The following CHD7 variants were observed in gnomAD, a reference collection of about 807,000 sequenced individuals.
CHD7 encodes the protein ATP-dependent chromatin remodeler CHD7.
CHD7 carries 24 observed loss-of-function variants against 307.3 expected under a neutral mutation model. The observed-to-expected ratio is 0.08, with a 90% CI of 0.06 to 0.11. The LOEUF is 0.11. CHD7 is among the 10% of genes least tolerant of loss of function. The pLI, the probability that CHD7 is intolerant of heterozygous loss-of-function variation, is 1.00. For missense variants in CHD7, 3,106 were observed against 3,727.1 expected, an observed-to-expected ratio of 0.83 and a Z score of 4.34; for synonymous variants, 1,363 against 1,349.9, an observed-to-expected ratio of 1.01 and a Z score of -0.21.
At position 60,851,121 on chromosome 8, in the gene CHD7, A is replaced by T; in HGVS notation, c.5607+17A>T. Reference sequence around the variant, plus strand: ...GAAATAGATGTATGAACTTGAGTATATTGGCTTTTATAGCTCCATTAAAAT... The same window carrying T: ...GAAATAGATGTATGAACTTGAGTATTTTGGCTTTTATAGCTCCATTAAAAT... On this transcript the variant is annotated intron_variant, in intron 27 of 37. Coordinates refer to ENST00000423902, the MANE Select transcript of CHD7 (RefSeq NM_017780.4). The T allele has an allele frequency of 6.5e-7, 1 of 1,543,750 alleles. No homozygotes were observed. Among genetic ancestry groups the T allele is most frequent in the Non-Finnish European group, 8.8e-7 (1 of 1,137,604 alleles).
At chr8:60,741,135 G>A (rs780004933) in intron 1 of CHD7, 124 bp from the exon 2 acceptor site, 1 of 394,674 alleles carries the variant, frequency 2.5e-6, no homozygotes, top group Non-Finnish European at 4.5e-6. Context: ...GCTCAGCGAG[G>A]GAGCTAGATT....
chr8:60,866,041 A>C lies in CHD7; in HGVS notation c.*108A>C. On this transcript the variant is annotated 3_prime_UTR_variant, in exon 38 of 38. Coordinates refer to ENST00000423902, the MANE Select transcript of CHD7 (RefSeq NM_017780.4). ...CTAGTTTTATAAGCTGTTCTGTAAC[A>C]TAGTGTAGCAAAAAAAAAAGTTCAA... The C allele has an allele frequency of 9.7e-7, 1 of 1,032,900 alleles. No homozygotes were observed. The highest frequency in any genetic ancestry group is 1.4e-6 in the Non-Finnish European group (1 of 713,902). The allele number at this position is 1,032,900 out of a possible 1,614,324, so 64.0% of individuals were successfully genotyped here.
intron 6 of CHD7, among the ~76,000 whole-genome samples, chr8:60,803,173 G>A (rs1167576093): frequency 6.6e-6 from 1 of 152,114 alleles, no homozygotes; most frequent in Admixed American, 6.5e-5. Context: ...TTAAATACTT[G>A]ACATGCTTTG....
intron 1 of CHD7, among the ~76,000 whole-genome samples, chr8:60,698,473 A>G (rs886317834): frequency 3.9e-5 from 6 of 152,220 alleles, no homozygotes; most frequent in African/African-American, 1.2e-4. Flanking sequence ...AGGAGGTAAT[A>G]TGGCATAAAG....
chr8:60,816,028 G>C (rs1328403935), intron 7 of CHD7, among the ~76,000 whole-genome samples: 1 of 151,870 alleles, frequency 6.6e-6, no homozygotes, highest in Non-Finnish European at 1.5e-5. Flanking sequence ...ATTTTATATT[G>C]AAGTATAATC....
At position 60,781,042 on chromosome 8, in the gene CHD7, A is replaced by G. The variant is rs757885932; in HGVS notation, c.1708A>G (p.Met570Val). 23 of 1,597,724 alleles carry G rather than the reference A, an allele frequency of 1.4e-5. 1 individual carries two copies. Among genetic ancestry groups the G allele is most frequent in the Middle Eastern group, 1.7e-4 (1 of 5,960 alleles). The change falls in exon 3 of 38, where the codon ATG (methionine) becomes GTG (valine). Residue 570 changes from methionine to valine, a missense_variant. Met to Val is a conservative substitution (Grantham distance 21, BLOSUM62 1). Coordinates refer to ENST00000423902, the MANE Select transcript of CHD7 (RefSeq NM_017780.4). ...CTTTCTAGAGAAACCAGTGCCGGATATGACTCAGGTTAGTGGACCGAATGC... is the reference window on the plus strand; with the variant it reads ...CTTTCTAGAGAAACCAGTGCCGGATGTGACTCAGGTTAGTGGACCGAATGC... ...EPFLEKPVPD[M>V]TQVSGPNAQL...
Position 60,862,586 on chromosome 8 carries a change from C to T in CHD7, c.8010C>T (p.Pro2670=). 2 of 1,578,778 alleles carry T rather than the reference C, an allele frequency of 1.3e-6. No homozygotes were observed. The highest frequency in any genetic ancestry group is 1.7e-6 in the Non-Finnish European group (2 of 1,161,148). The part of the protein sequence containing the change: ...GAMAPPMKDL[P]RWLEENPEFA... ...TGGCGCCTCCAATGAAGGATCTACCCAGGTGGCTGGAAGAAAATCCTGAAT... is the reference window on the plus strand; with the variant it reads ...TGGCGCCTCCAATGAAGGATCTACCTAGGTGGCTGGAAGAAAATCCTGAAT... Residue 2670 remains proline (P), a synonymous_variant, in exon 37 of 38, where the codon CCC becomes CCT. Coordinates refer to ENST00000423902, the MANE Select transcript of CHD7 (RefSeq NM_017780.4).
At chr8:60,826,632 T>C (rs934495820) in intron 13 of CHD7, among the ~76,000 whole-genome samples, 3 of 152,196 alleles carry the variant, frequency 2.0e-5, no homozygotes, top group Non-Finnish European at 4.4e-5. Flanking sequence ...GGACGACCAA[T>C]GAGTGTCTTC....
At chr8:60,761,187 T>C (rs1387794486) in intron 2 of CHD7, among the ~76,000 whole-genome samples, 4 of 151,576 alleles carry the variant, frequency 2.6e-5, no homozygotes, top group African/African-American at 9.7e-5. Flanking sequence ...TTCATGTCCT[T>C]TGTAGGGACA....
chr8:60,725,780 T>C (rs1808130787), intron 1 of CHD7, among the ~76,000 whole-genome samples: 1 of 152,160 alleles, frequency 6.6e-6, no homozygotes, highest in Non-Finnish European at 1.5e-5. Flanking sequence ...GAGATTTCAC[T>C]CTTCTGAGAA....
chr8:60,688,671 G>A (rs573082948), intron 1 of CHD7, among the ~76,000 whole-genome samples: 21 of 152,330 alleles, frequency 1.4e-4, no homozygotes, highest in African/African-American at 5.1e-4. Flanking sequence ...TCCTGAAGAT[G>A]TTCATCTCCT....
chr8:60,707,527 C>T (rs1386982542), intron 1 of CHD7, among the ~76,000 whole-genome samples: 1 of 152,134 alleles, frequency 6.6e-6, no homozygotes, highest in Non-Finnish European at 1.5e-5. Context: ...AAAAAGTTTA[C>T]AAGTTACCCT....
intron 4 of CHD7, among the ~76,000 whole-genome samples, chr8:60,798,009 A>G (rs1812111153): frequency 6.6e-6 from 1 of 152,232 alleles, no homozygotes; most frequent in Admixed American, 6.5e-5. Flanking sequence ...TCTTCATGGT[A>G]TTCATATGAG....
chr8:60,851,495 G>A (rs987850653), intron 28 of CHD7, among the ~76,000 whole-genome samples, 176 bp downstream of exon 28: 1 of 152,162 alleles, frequency 6.6e-6, no homozygotes, highest in African/African-American at 2.4e-5. Context: ...TCATGACATT[G>A]AATTTCTTAG....
chr8:60,786,782 T>G (rs1811510414), intron 3 of CHD7, among the ~76,000 whole-genome samples: 1 of 152,246 alleles, frequency 6.6e-6, no homozygotes, highest in African/African-American at 2.4e-5. Context: ...AGTCTATATT[T>G]GTGAAAATGA....
intron 1 of CHD7, among the ~76,000 whole-genome samples, chr8:60,686,802 A>G (rs1805922892): frequency 6.6e-6 from 1 of 152,212 alleles, no homozygotes; most frequent in Non-Finnish European, 1.5e-5. Context: ...AGTATGTCTA[A>G]AAAAGGGTAC....
At chr8:60,688,306 G>T (rs1324648483) in intron 1 of CHD7, among the ~76,000 whole-genome samples, 1 of 147,932 alleles carries the variant, frequency 6.8e-6, no homozygotes, top group Non-Finnish European at 1.5e-5. Flanking sequence ...AGGCACTCCA[G>T]CTAACATACT....
chr8:60,809,042 G>A (rs1392308036), intron 7 of CHD7: 1 of 152,032 alleles, frequency 6.6e-6, no homozygotes, highest in Non-Finnish European at 1.5e-5. Context: ...ACATTCTTAG[G>A]GCTTTAAAGA....
chr8:60,752,616 G>T (rs1478944319), intron 2 of CHD7, among the ~76,000 whole-genome samples: 1 of 152,094 alleles, frequency 6.6e-6, no homozygotes, highest in African/African-American at 2.4e-5. Context: ...AAAGGGGAGG[G>T]TATAGACTTA....
Sources: allele counts gnomAD v4.1 joint callset (sites outside exome capture counted in the v4.1 genomes callset), GRCh38; gene constraint gnomAD v4.1.1; transcripts MANE v1.5; gene names NCBI Gene and HGNC (gene_info 2026-07-23, HGNC 2026-07-21).